The following TIAM1 variants were observed in gnomAD, a reference collection of about 807,000 sequenced individuals.
The protein encoded by TIAM1 is rho guanine nucleotide exchange factor TIAM1.
A neutral mutation model predicts 163.5 loss-of-function variants in TIAM1; 65 were observed. The observed-to-expected ratio is 0.40, with a 90% CI of 0.33 to 0.49. TIAM1 has a LOEUF of 0.49. Among genes scored for constraint, TIAM1 ranks in the 20% least tolerant of loss-of-function variants. The pLI, the probability that TIAM1 is intolerant of heterozygous loss-of-function variation, is 0.77. For missense variants in TIAM1, 1,789 were observed against 2,044.7 expected, an observed-to-expected ratio of 0.87 and a Z score of 2.41; for synonymous variants, 833 against 810.1, an observed-to-expected ratio of 1.03 and a Z score of -0.48.
At chr21:31,509,098 T>C (rs980084507) in intron 1 of TIAM1, among the ~76,000 whole-genome samples, 2 of 152,126 alleles carry the variant, frequency 1.3e-5, no homozygotes, top group Non-Finnish European at 2.9e-5. Flanking sequence ...AGATCTATGT[T>C]TGAATACATT....
intron 2 of TIAM1, among the ~76,000 whole-genome samples, chr21:31,410,241 G>A (rs1236894699): frequency 6.6e-6 from 1 of 152,004 alleles, no homozygotes; most frequent in Non-Finnish European, 1.5e-5. Context: ...TTGTGAGCAT[G>A]TGTGTGACAG....
chr21:31,340,609 C>G (rs908164546), intron 1 of TIAM1, among the ~76,000 whole-genome samples: 4 of 152,146 alleles, frequency 2.6e-5, no homozygotes, highest in Non-Finnish European at 5.9e-5. Context: ...AAGCAACCCT[C>G]CCGTCTCAGC....
At chr21:31,218,219 G>A (rs974445108) in intron 8 of TIAM1, among the ~76,000 whole-genome samples, 1 of 152,132 alleles carries the variant, frequency 6.6e-6, no homozygotes, top group Non-Finnish European at 1.5e-5. Flanking sequence ...TTTAAAATCA[G>A]ACGAGTGATC....
chr21:31,134,044 G>C (rs2082521007), intron 23 of TIAM1, among the ~76,000 whole-genome samples: 1 of 151,998 alleles, frequency 6.6e-6, no homozygotes, highest in Non-Finnish European at 1.5e-5. Flanking sequence ...CTCCAGCCTG[G>C]CAACACAGCG....
chr21:31,151,251 A>T (rs1357454805), intron 19 of TIAM1, among the ~76,000 whole-genome samples: 1 of 152,350 alleles, frequency 6.6e-6, no homozygotes, highest in African/African-American at 2.4e-5. Context: ...TATCCATACT[A>T]AAACTTGTAC....
chr21:31,537,734 A>C (rs1423990631), intron 1 of TIAM1, among the ~76,000 whole-genome samples: 1 of 152,086 alleles, frequency 6.6e-6, no homozygotes, highest in Non-Finnish European at 1.5e-5. Context: ...CCTGGGCAAC[A>C]GAGCAAGTCT....
chr21:31,521,027 G>A (rs866060533), intron 1 of TIAM1, among the ~76,000 whole-genome samples: 1 of 152,226 alleles, frequency 6.6e-6, no homozygotes, highest in African/African-American at 2.4e-5. Context: ...CAGAGCAGGT[G>A]CTTAATAAAT....
intron 2 of TIAM1, among the ~76,000 whole-genome samples, chr21:31,280,367 TGCCTACG>T (rs2073495442): frequency 6.6e-6 from 1 of 152,168 alleles, no homozygotes; most frequent in Non-Finnish European, 1.5e-5. Flanking sequence ...GCTCTCTCTT[TGCCTACG>T]GCCATCCAGG....
chr21:31,281,810 G>A (rs1168725885), intron 2 of TIAM1, among the ~76,000 whole-genome samples: 2 of 152,046 alleles, frequency 1.3e-5, no homozygotes, highest in Non-Finnish European at 2.9e-5. Flanking sequence ...GTAGATGGGT[G>A]GATGGATGGA....
chr21:31,267,189 G>A (rs896374396), intron 3 of TIAM1, among the ~76,000 whole-genome samples: 3 of 152,156 alleles, frequency 2.0e-5, no homozygotes, highest in African/African-American at 4.8e-5. Context: ...ATCATCTACT[G>A]AGACTGCCCC....
chr21:31,376,463 C>G (rs2076689613), intron 2 of TIAM1, among the ~76,000 whole-genome samples: 1 of 152,140 alleles, frequency 6.6e-6, no homozygotes, highest in African/African-American at 2.4e-5. Flanking sequence ...AAAGCAAACT[C>G]CTGATTATGC....
chr21:31,517,028 G>A lies in TIAM1; in HGVS notation c.-422+41899C>T, dbSNP rs1261803523. Among the ~76,000 whole-genome samples the A allele has an allele frequency of 5.5e-4, 73 of 133,100 alleles. 1 individual carries two copies. Among genetic ancestry groups the A allele is most frequent in the Non-Finnish European group, 1.4e-4 (9 of 65,042 alleles). 87.3% of individuals were successfully genotyped at this position (133,100 alleles called of 152,430 possible). On this transcript the variant is annotated intron_variant, in intron 1 of 28. Transcript: ENST00000286827. ...CACGCCGGTGCACTCCAGCCTTGGC[G>A]ACAGAGCAAGACTCTGTCTCAAAAA...
chr21:31,331,305 A>G (rs1316413183), intron 2 of TIAM1, among the ~76,000 whole-genome samples: 3 of 152,196 alleles, frequency 2.0e-5, no homozygotes, highest in African/African-American at 7.2e-5. Context: ...CTGAAGTTGC[A>G]AAACTGTAGG....
chr21:31,195,807 C>T (rs1052869149), intron 12 of TIAM1, among the ~76,000 whole-genome samples: 1 of 152,002 alleles, frequency 6.6e-6, no homozygotes, highest in East Asian at 1.9e-4. Context: ...TGAACTGTAT[C>T]GAAATTAGCT....
intron 20 of TIAM1, among the ~76,000 whole-genome samples, chr21:31,142,227 G>A (rs1045074491): frequency 1.3e-5 from 2 of 151,988 alleles, no homozygotes; most frequent in African/African-American, 2.4e-5. Flanking sequence ...TGTTGGCCCT[G>A]TCATCCCAAA....
chr21:31,223,668 T>C, intron 7 of TIAM1, 77 bp from the exon 8 acceptor site: 1 of 1,418,928 alleles, frequency 7.0e-7, no homozygotes, highest in Non-Finnish European at 9.4e-7. Flanking sequence ...CCTATACAGA[T>C]CTATATGTCG....
At chr21:31,269,357 C>A (rs2146829340) in intron 3 of TIAM1, among the ~76,000 whole-genome samples, 1 of 152,268 alleles carries the variant, frequency 6.6e-6, no homozygotes, top group Non-Finnish European at 1.5e-5. Flanking sequence ...GAGAGGAATG[C>A]CAAATCTCCT....
intron 3 of TIAM1, among the ~76,000 whole-genome samples, chr21:31,267,578 G>A (rs1052860917): frequency 6.8e-6 from 1 of 146,266 alleles, no homozygotes; most frequent in Non-Finnish European, 1.5e-5. Flanking sequence ...ATCAAAAATG[G>A]AAAACCTCAA....
rs947890380 is a variant in TIAM1 at position 31,185,544 on chromosome 21, A to G, written c.2662+1457T>C. Among the ~76,000 whole-genome samples the G allele has an allele frequency of 4.6e-5, 6 of 130,030 alleles. No individual in the cohort carries two copies. The East Asian group carries it at 6.4e-4, about 14-fold the overall frequency. 85.3% of individuals were successfully genotyped at this position (130,030 alleles called of 152,430 possible). A position where few individuals can be genotyped will look rare whatever the true frequency, so the allele number is the denominator to read the frequency against. ...TGCTAATATAATATATTATGCCATT[A>G]TATATTATATATTAATATAATATAT... On this transcript the variant is annotated intron_variant, in intron 14 of 27. Coordinates refer to ENST00000541036, the MANE Select transcript of TIAM1 (RefSeq NM_001353694.2).
Sources: gnomAD v4.1 joint callset for allele counts (sites outside exome capture counted in the v4.1 genomes callset) on GRCh38, gnomAD v4.1.1 for gene constraint, MANE v1.5 for transcripts, NCBI Gene and HGNC (gene_info 2026-07-23, HGNC 2026-07-21) for gene names.